Variants in ATXN10 observed in about 807,000 individuals in gnomAD.
ATXN10 encodes ataxin-10.
ATXN10 carries 28 observed loss-of-function variants against 52.9 expected under a neutral mutation model. The observed-to-expected ratio is 0.53, with a 90% confidence interval of 0.39 to 0.73. The LOEUF (loss-of-function observed/expected upper bound fraction) is 0.73. Among genes scored for constraint, ATXN10 ranks in the 30% least tolerant of loss-of-function variants. The pLI is 0.00. For missense variants in ATXN10, 565 were observed against 577.0 expected (o/e 0.98, Z 0.21); for synonymous variants, 226 against 221.5 (o/e 1.02, Z -0.18).
intron 9 of ATXN10, among the ~76,000 whole-genome samples, chr22:45,761,617 A>G (rs1926394105): frequency 6.6e-6 from 1 of 152,232 alleles, no homozygotes. Flanking sequence ...AAGCATTATA[A>G]TCCAGTGACT....
At chr22:45,830,756 G>C (rs1296931261) in intron 10 of ATXN10, among the ~76,000 whole-genome samples, 1 of 151,456 alleles carries the variant, frequency 6.6e-6, no homozygotes, top group Non-Finnish European at 1.5e-5. Context: ...ATGCATTACT[G>C]ATGGGAATGT....
intron 9 of ATXN10, among the ~76,000 whole-genome samples, chr22:45,751,739 GGAAAA>G (rs1299155497): frequency 0.096 from 1,348 of 14,082 alleles, 10 homozygotes; most frequent in Non-Finnish European, 0.12. Context: ...ACCTTTTTCT[GGAAAA>G]AAAAAAAAAA....
chr22:45,751,284 T>G (rs1925937960), intron 9 of ATXN10, among the ~76,000 whole-genome samples: 1 of 152,154 alleles, frequency 6.6e-6, no homozygotes, highest in Non-Finnish European at 1.5e-5. Context: ...TTGGCCAAGA[T>G]CTGGGGGCTT....
In ATXN10 at chr22:45,750,628, T is replaced by G. The variant is rs17573656; in HGVS notation, c.1173+10090T>G. On this transcript the variant is annotated intron_variant, in intron 9 of 11. Transcript: ENST00000252934. This position sits in a 1 kb window ranked among gnomAD's most constrained non-coding sequence, Gnocchi z 4.2. ...CCCACTGTGAAAAATAAGCCATAAT[T>G]TTGACTATAAAATGAAAATAATTGA... Among the ~76,000 whole-genome samples, 13,711 of 152,220 alleles carry G rather than the reference T, an allele frequency of 0.09. 796 individuals carry two copies. Among genetic ancestry groups the G allele is most frequent in the Middle Eastern group, 0.16 (47 of 294 alleles).
rs567670701 is a variant in ATXN10, at chr22:45,818,050, C to T, written c.1237+11028C>T. Reference sequence around the variant, plus strand: ...TTTCAGAAAAGAGACTTCCTTTCCTCGCTCAGGTATCTTGGCAGGTAGTCA... The same window carrying T: ...TTTCAGAAAAGAGACTTCCTTTCCTTGCTCAGGTATCTTGGCAGGTAGTCA... On this transcript the variant is annotated intron_variant, in intron 10 of 11. Coordinates refer to ENST00000252934, the MANE Select transcript of ATXN10 (RefSeq NM_013236.4). This position sits in a 1 kb window ranked among gnomAD's most constrained non-coding sequence, Gnocchi z 4.6. 1.3e-5 allele frequency among the ~76,000 whole-genome samples: 2 copies of T among 152,346 alleles called. No individual in the cohort carries two copies. Among genetic ancestry groups the T allele is most frequent in the East Asian group, 3.9e-4 (2 of 5,186 alleles).
At chr22:45,748,239 T>G (rs186194745) in intron 9 of ATXN10, among the ~76,000 whole-genome samples, 3 of 152,078 alleles carry the variant, frequency 2.0e-5, no homozygotes, top group African/African-American at 7.2e-5. Flanking sequence ...TACTTCCGTG[T>G]CCCTCCTCTT....
chr22:45,746,554 G>A (rs1024269640), intron 9 of ATXN10, among the ~76,000 whole-genome samples: 8 of 152,134 alleles, frequency 5.3e-5, no homozygotes, highest in African/African-American at 1.9e-4. Flanking sequence ...ATGTGTTAGT[G>A]TTTTTCTTTT....
chr22:45,784,042 C>T lies in ATXN10; in HGVS notation c.1174-22917C>T, dbSNP rs1300463048. Among the ~76,000 whole-genome samples the T allele has an allele frequency of 6.6e-6, 1 of 152,114 alleles. No individual in the cohort carries two copies. The highest frequency in any genetic ancestry group is 1.5e-5 in the Non-Finnish European group (1 of 68,014). ...GCAGGCCAGGTCTGTGTCACTGGCCCTCCCTCTCCCCTTCTTAATCCTCAT... is the reference window on the plus strand; with the variant it reads ...GCAGGCCAGGTCTGTGTCACTGGCCTTCCCTCTCCCCTTCTTAATCCTCAT... On this transcript the variant is annotated intron_variant, in intron 9 of 11. Coordinates refer to ENST00000252934, the MANE Select transcript of ATXN10 (RefSeq NM_013236.4). This position sits in a 1 kb window ranked among gnomAD's most constrained non-coding sequence, Gnocchi z 4.2.
intron 9 of ATXN10, among the ~76,000 whole-genome samples, chr22:45,802,839 G>A (rs1026843179): frequency 1.3e-5 from 2 of 152,028 alleles, no homozygotes; most frequent in Non-Finnish European, 2.9e-5. Context: ...AGAAAGTGAG[G>A]TGTTTTCCAT....
At chr22:45,691,176 A>G (rs1923358985) in intron 2 of ATXN10, among the ~76,000 whole-genome samples, 1 of 152,228 alleles carries the variant, frequency 6.6e-6, no homozygotes, top group South Asian at 2.1e-4. Context: ...ATAACTAGTT[A>G]TATGCTAGAA....
chr22:45,672,057 C>T lies in ATXN10; in HGVS notation c.-7C>T, dbSNP rs565770838. 2.4e-4 allele frequency: 366 copies of T among 1,536,088 alleles called. 1 individual carries two copies. The South Asian group carries it at 4.1e-3, about 17-fold the overall frequency. On this transcript the variant is annotated 5_prime_UTR_variant, in exon 1 of 12. Transcript: ENST00000252934. ...TCGTCAGGCTCGACCCAGCTGTGAGCGGCAAGATGGCGGCGCCCAGGCCGC... is the reference window on the plus strand; with the variant it reads ...TCGTCAGGCTCGACCCAGCTGTGAGTGGCAAGATGGCGGCGCCCAGGCCGC...
intron 9 of ATXN10, among the ~76,000 whole-genome samples, chr22:45,773,540 C>T (rs1324173710): frequency 6.6e-6 from 1 of 152,018 alleles, no homozygotes; most frequent in Non-Finnish European, 1.5e-5. Context: ...CTCACTGCAA[C>T]CTCCACCTCC....
chr22:45,765,455 T>C (rs1377986167), intron 9 of ATXN10, among the ~76,000 whole-genome samples: 1 of 152,158 alleles, frequency 6.6e-6, no homozygotes, highest in Admixed American at 6.5e-5. Flanking sequence ...GGTGAATTAT[T>C]CCTCTCTCTC....
At position 45,825,467 on chromosome 22, in the gene ATXN10, A is replaced by G. The variant is rs1451886354; in HGVS notation, c.1238-17524A>G. On this transcript the variant is annotated intron_variant, in intron 10 of 11. Transcript: ENST00000252934. The surrounding 1 kb of genome is among the most constrained non-coding windows in gnomAD (Gnocchi z 4.5). ...CGGAGAAGACCTGAGAAGATCTTAA[A>G]TTTACACCTCAGGCTTATCCTTGGC... is the stretch of plus-strand genomic sequence containing the variant. Among the ~76,000 whole-genome samples, 1 of 152,206 alleles carries G rather than the reference A, an allele frequency of 6.6e-6. No individual in the cohort carries two copies. The highest frequency in any genetic ancestry group is 1.5e-5 in the Non-Finnish European group (1 of 68,044).
rs1922458052 is a variant in ATXN10, at chr22:45,671,986, C to T, written c.-78C>T. On this transcript the variant is annotated 5_prime_UTR_variant, in exon 1 of 12. Coordinates refer to ENST00000252934, the MANE Select transcript of ATXN10 (RefSeq NM_013236.4). ...CCTTCCTCCTCGCCATCCTACTCCT[C>T]CCTCCTCGTCATCCTCCCCCTTCGT... is the stretch of plus-strand genomic sequence containing the variant. 6.1e-6 allele frequency: 9 copies of T among 1,473,376 alleles called. No homozygotes were observed. The South Asian group carries it at 7.3e-5, about 12-fold the overall frequency. The allele number at this position is 1,473,376 out of a possible 1,614,324, so 91.3% of individuals were successfully genotyped here. A position where few individuals can be genotyped will look rare whatever the true frequency, so the allele number is the denominator to read the frequency against.
intron 3 of ATXN10, among the ~76,000 whole-genome samples, chr22:45,695,285 A>G (rs1923560223): frequency 6.7e-6 from 1 of 149,218 alleles, no homozygotes; most frequent in South Asian, 2.2e-4. Context: ...GATTGCCGCC[A>G]CTGAACTCCA....
rs2146821164 is a variant in ATXN10 at position 45,754,258 on chromosome 22, T to C, written c.1173+13720T>C. On this transcript the variant is annotated intron_variant, in intron 9 of 11. Transcript: ENST00000252934. This position sits in a 1 kb window ranked among gnomAD's most constrained non-coding sequence, Gnocchi z 5.4. Reference sequence around the variant, plus strand: ...TCAGGTGAAAAAACAGTTTAAATTCTAGGATATTCTTGCTTTCTACCCAGG... The same window carrying C: ...TCAGGTGAAAAAACAGTTTAAATTCCAGGATATTCTTGCTTTCTACCCAGG... Among the ~76,000 whole-genome samples, 1 of 152,384 alleles carries C rather than the reference T, an allele frequency of 6.6e-6. No individual in the cohort carries two copies. Among genetic ancestry groups the C allele is most frequent in the African/African-American group, 2.4e-5 (1 of 41,600 alleles).
In ATXN10 at chr22:45,770,417, C is replaced by T. The variant is rs368447828; in HGVS notation, c.1173+29879C>T. ...AAGAGGGGGGTATGTGATGAATATA[C>T]ACACTAATGGGACACACACGTGTGT... On this transcript the variant is annotated intron_variant, in intron 9 of 11. Coordinates refer to ENST00000252934, the MANE Select transcript of ATXN10 (RefSeq NM_013236.4). This position sits in a 1 kb window ranked among gnomAD's most constrained non-coding sequence, Gnocchi z 4.5. Among the ~76,000 whole-genome samples the T allele has an allele frequency of 6.6e-6, 1 of 152,204 alleles. No individual in the cohort carries two copies. The highest frequency in any genetic ancestry group is 1.5e-5 in the Non-Finnish European group (1 of 68,044).
At chr22:45,694,476 AC>A (rs1923510095) in intron 3 of ATXN10, among the ~76,000 whole-genome samples, 4 of 151,884 alleles carry the variant, frequency 2.6e-5, no homozygotes, top group Admixed American at 1.3e-4. Context: ...ACATGGTGAA[AC>A]CCCGTTTCCA....
Sources: allele counts gnomAD v4.1 joint callset (sites outside exome capture counted in the v4.1 genomes callset), GRCh38; gene constraint gnomAD v4.1.1; non-coding constraint Gnocchi (gnomAD v3.1); transcripts MANE v1.5; gene names NCBI Gene and HGNC (gene_info 2026-07-23, HGNC 2026-07-21).